Variants in UGT1A9 observed in about 807,000 individuals in gnomAD.
The protein encoded by UGT1A9 is UDP-glucuronosyltransferase 1A9.
UGT1A9 carries 35 observed loss-of-function variants against 45.0 expected under a neutral mutation model. The ratio of observed to expected loss-of-function variants is 0.78; its 90% CI spans 0.59 to 1.03. UGT1A9 has a LOEUF of 1.03. Ranked by LOEUF, UGT1A9 falls within the 50% of genes least tolerant of loss-of-function variation. The probability of loss-of-function intolerance (pLI) is 0.00; values close to 1 mark genes in which losing one functional copy is unlikely to be tolerated. For synonymous variants in UGT1A9, 278 were observed against 250.6 expected, an observed-to-expected ratio of 1.11 and a Z score of -1.03; for missense variants, 687 against 666.6, an observed-to-expected ratio of 1.03 and a Z score of -0.34.
At chr2:233,728,644 GT>G (rs1404830027) in intron 1 of UGT1A9, among the ~76,000 whole-genome samples, 1 of 152,172 alleles carries the variant, frequency 6.6e-6, no homozygotes, top group African/African-American at 2.4e-5. Context: ...ATGTTGTATG[GT>G]TTTTGGATGC....
At position 233,769,202 on chromosome 2, in the gene UGT1A9, CACAG is replaced by C. The variant is rs1699813403; in HGVS notation, c.1295+767_1295+770del. Among the ~76,000 whole-genome samples the C allele has an allele frequency of 6.6e-6, 1 of 152,204 alleles. No homozygotes were observed. Among genetic ancestry groups the C allele is most frequent in the African/African-American group, 2.4e-5 (1 of 41,446 alleles). On this transcript the variant is annotated intron_variant, in intron 4 of 4. Coordinates refer to ENST00000354728, the MANE Select transcript of UGT1A9 (RefSeq NM_021027.3). The surrounding 1 kb of genome is among the most constrained non-coding windows in gnomAD (Gnocchi z 4.4). ...TATGAATGAAGGAGCTATAAGATAT[CACAG>C]ACAAAGTCTTAGAATAAGAGCAAAG...
intron 1 of UGT1A9, among the ~76,000 whole-genome samples, chr2:233,749,628 C>A (rs1475485120): frequency 6.6e-6 from 1 of 151,798 alleles, no homozygotes; most frequent in Non-Finnish European, 1.5e-5. Context: ...GGCTCTGTAT[C>A]CCCCACCAAA....
chr2:233,718,673 G>T lies in UGT1A9; in HGVS notation c.855+45884G>T. 3 of 1,556,294 alleles carry T rather than the reference G, an allele frequency of 1.9e-6. No individual in the cohort carries two copies. The Admixed American group carries it at 5.7e-5, about 30-fold the overall frequency. ...ACGAAAGGCAGTTATAGATTAATGG[G>T]TAATAAGTAACTGGAGGAGGGCACT... On this transcript the variant is annotated intron_variant, in intron 1 of 4. Transcript: ENST00000354728.
In UGT1A9 at chr2:233,678,757, T is replaced by C. The variant is rs547451143; in HGVS notation, c.855+5968T>C. Among the ~76,000 whole-genome samples the C allele has an allele frequency of 1.2e-4, 12 of 102,278 alleles. 1 individual carries two copies. In the South Asian group the frequency reaches 3.8e-3, roughly 33 times the overall value. The allele number at this position is 102,278 out of a possible 152,430, so 67.1% of individuals were successfully genotyped here. A position where few individuals can be genotyped will look rare whatever the true frequency, so the allele number is the denominator to read the frequency against. On this transcript the variant is annotated intron_variant, in intron 1 of 4. Coordinates refer to ENST00000354728, the MANE Select transcript of UGT1A9 (RefSeq NM_021027.3). The stretch of plus-strand genomic sequence containing the variant: ...ACTGATTGGAAAGCACTCATCTCTA[T>C]CAGGTCATCTATTGATTCCCTGAGT...
intron 1 of UGT1A9, among the ~76,000 whole-genome samples, chr2:233,711,666 T>C (rs903465308): frequency 6.6e-6 from 1 of 152,186 alleles, no homozygotes; most frequent in African/African-American, 2.4e-5. Context: ...TGGAATCTAT[T>C]ATCAATGTGG....
intron 1 of UGT1A9, among the ~76,000 whole-genome samples, chr2:233,675,865 T>G (rs2074337846): frequency 1.3e-5 from 2 of 152,166 alleles, no homozygotes; most frequent in South Asian, 4.1e-4. Context: ...TAAGAAAAAT[T>G]TGTTACATAG....
At chr2:233,726,038 C>T (rs1360509529) in intron 1 of UGT1A9, among the ~76,000 whole-genome samples, 1 of 152,198 alleles carries the variant, frequency 6.6e-6, no homozygotes, top group African/African-American at 2.4e-5. Context: ...TGATGGCGCA[C>T]ACCTGTGGTC....
In UGT1A9 at chr2:233,672,408, C is replaced by T. The variant is rs2074225732; in HGVS notation, c.474C>T (p.Ala158=). 2 of 1,613,772 alleles carry T rather than the reference C, an allele frequency of 1.2e-6. No individual in the cohort carries two copies. The highest frequency in any genetic ancestry group is 1.7e-6 in the Non-Finnish European group (2 of 1,179,924). Residue 158 remains alanine (A), a synonymous_variant, in exon 1 of 5, where the codon GCC becomes GCT. Coordinates refer to ENST00000354728, the MANE Select transcript of UGT1A9 (RefSeq NM_021027.3). ...DPFDNCGLIV[A]KYFSLPSVVF... ...TTGATAACTGTGGCTTAATTGTTGC[C>T]AAATATTTCTCCCTCCCCTCCGTGG...
chr2:233,752,524 A>T (rs1231920163), intron 1 of UGT1A9: 1 of 152,204 alleles, frequency 6.6e-6, no homozygotes, highest in African/African-American at 2.4e-5. Context: ...TCAATTCTAA[A>T]AATTCTTTAA....
chr2:233,768,590 T>G (rs1322508849), intron 4 of UGT1A9, 151 bp downstream of exon 4: 2 of 1,068,204 alleles, frequency 1.9e-6, no homozygotes, highest in Non-Finnish European at 2.4e-6. Flanking sequence ...TTCTTTTTTT[T>G]TTTTTTTTTT....
At chr2:233,719,356 A>T (rs751560022) in intron 1 of UGT1A9, 4 of 1,613,848 alleles carry the variant, frequency 2.5e-6, no homozygotes, top group Non-Finnish European at 3.4e-6. Context: ...ATTCCATGTG[A>T]CTTAGACTTT....
chr2:233,693,046 G>C lies in UGT1A9; in HGVS notation c.855+20257G>C, dbSNP rs1259258611. 1.9e-6 allele frequency: 3 copies of C among 1,614,028 alleles called. No individual in the cohort carries two copies. In the African/African-American group the frequency reaches 4.0e-5, roughly 22 times the overall value. ...GCTCATTTCAGAGAATTTCTGCAGG[G>C]GTTTTCTTCTTAGCACTTTGGGGCA... On this transcript the variant is annotated intron_variant, in intron 1 of 4. Coordinates refer to ENST00000354728, the MANE Select transcript of UGT1A9 (RefSeq NM_021027.3).
intron 1 of UGT1A9, among the ~76,000 whole-genome samples, chr2:233,759,591 C>A (rs984696431): frequency 4.1e-5 from 6 of 147,100 alleles, no homozygotes; most frequent in East Asian, 4.1e-4. Context: ...GCACGCCCCC[C>A]ACCCCCGACC....
intron 1 of UGT1A9, chr2:233,693,494 G>A (rs1459595620): frequency 6.2e-7 from 1 of 1,614,090 alleles, no homozygotes; most frequent in East Asian, 2.2e-5. Flanking sequence ...TGAGTATTTG[G>A]GCCTACCATC....
chr2:233,762,837 TAGGC>T (rs1698177979), intron 1 of UGT1A9, among the ~76,000 whole-genome samples: 1 of 152,150 alleles, frequency 6.6e-6, no homozygotes, highest in South Asian at 2.1e-4. Context: ...TAAAAAATAA[TAGGC>T]AGTCATTTGC....
At chr2:233,687,452 A>G (rs1350677086) in intron 1 of UGT1A9, among the ~76,000 whole-genome samples, 1 of 152,242 alleles carries the variant, frequency 6.6e-6, no homozygotes, top group African/African-American at 2.4e-5. Context: ...AAGTATTTAC[A>G]TGGAAGCTGG....
intron 1 of UGT1A9, among the ~76,000 whole-genome samples, chr2:233,707,806 GAGGGCGTGCATA>G (rs1165429482): frequency 6.6e-6 from 1 of 152,162 alleles, no homozygotes; most frequent in East Asian, 1.9e-4. Context: ...TGCTGCGTTG[GAGGGCGTGCATA>G]TCATTAATTT....
At chr2:233,752,118 G>A (rs1227638081) in intron 1 of UGT1A9, among the ~76,000 whole-genome samples, 1 of 152,216 alleles carries the variant, frequency 6.6e-6, no homozygotes, top group Non-Finnish European at 1.5e-5. Context: ...AGGAGAAGAA[G>A]ATGATGGACA....
At chr2:233,746,624 G>C (rs934218336) in intron 1 of UGT1A9, among the ~76,000 whole-genome samples, 2 of 151,670 alleles carry the variant, frequency 1.3e-5, no homozygotes, top group Non-Finnish European at 2.9e-5. Context: ...CTCCTTTCAG[G>C]CAAGGACCAT....
Sources: gnomAD v4.1 joint callset for allele counts (sites outside exome capture counted in the v4.1 genomes callset) on GRCh38, gnomAD v4.1.1 for gene constraint, Gnocchi (gnomAD v3.1) non-coding constraint, MANE v1.5 for transcripts, NCBI Gene and HGNC (gene_info 2026-07-23, HGNC 2026-07-21) for gene names.